The following TAFA5 variants were observed in gnomAD, a reference collection of about 807,000 sequenced individuals.
TAFA5 encodes chemokine-like protein TAFA-5.
TAFA5 carries 6 observed loss-of-function variants against 15.3 expected under a neutral mutation model. That is an observed-to-expected ratio of 0.39 (90% CI 0.21 to 0.77). The LOEUF is 0.77. TAFA5 is among the 30% of genes least tolerant of loss of function. TAFA5 has a pLI of 0.41. For missense variants in TAFA5, 161 were observed against 193.1 expected (o/e 0.83, Z 0.98); for synonymous variants, 103 against 80.7 (o/e 1.28, Z -1.48).
At chr22:48,631,090 T>A (rs1350222610) in intron 1 of TAFA5, among the ~76,000 whole-genome samples, 9 of 152,174 alleles carry the variant, frequency 5.9e-5, no homozygotes, top group Admixed American at 4.6e-4. Flanking sequence ...AGGACGGACC[T>A]CCTGGGCCAG....
At chr22:48,600,523 C>T (rs1268465501) in intron 1 of TAFA5, among the ~76,000 whole-genome samples, 1 of 151,894 alleles carries the variant, frequency 6.6e-6, no homozygotes, top group African/African-American at 2.4e-5. Flanking sequence ...GATGTGTGCC[C>T]GTGCCCATGC....
intron 1 of TAFA5, among the ~76,000 whole-genome samples, chr22:48,494,326 G>A (rs956329121): frequency 6.6e-6 from 1 of 152,190 alleles, no homozygotes; most frequent in East Asian, 1.9e-4. Context: ...ATTAAAATGT[G>A]GCGCTCTGGA....
At chr22:48,505,534 G>A (rs77506095) in intron 1 of TAFA5, among the ~76,000 whole-genome samples, 2 of 152,210 alleles carry the variant, frequency 1.3e-5, no homozygotes, top group Admixed American at 6.5e-5. Context: ...GCCATTAAAA[G>A]GCCTACTGCC....
At chr22:48,587,942 C>G (rs373408182) in intron 1 of TAFA5, among the ~76,000 whole-genome samples, 5 of 152,328 alleles carry the variant, frequency 3.3e-5, no homozygotes, top group African/African-American at 1.2e-4. Context: ...TGTCTCAGTC[C>G]CCGCACTTTC....
At chr22:48,745,185 C>T (rs1352992136) in intron 3 of TAFA5, among the ~76,000 whole-genome samples, 1 of 152,062 alleles carries the variant, frequency 6.6e-6, no homozygotes, top group Non-Finnish European at 1.5e-5. Flanking sequence ...CAGGGCACAG[C>T]TTTGTCATCG....
chr22:48,662,318 G>A (rs1245362961), intron 2 of TAFA5, among the ~76,000 whole-genome samples: 4 of 152,122 alleles, frequency 2.6e-5, no homozygotes, highest in East Asian at 1.9e-4. Context: ...CAAACCTGCC[G>A]GGAGCCTCGG....
intron 2 of TAFA5, among the ~76,000 whole-genome samples, chr22:48,686,765 G>GAGAT (rs1555899244): frequency 6.6e-6 from 1 of 151,312 alleles, no homozygotes; most frequent in African/African-American, 2.4e-5. Flanking sequence ...AGATGGGTAG[G>GAGAT]GGATGGATGG....
chr22:48,582,445 C>T (rs1239572630), intron 1 of TAFA5, among the ~76,000 whole-genome samples: 1 of 150,112 alleles, frequency 6.7e-6, no homozygotes, highest in Non-Finnish European at 1.5e-5. Flanking sequence ...ACAAAATACA[C>T]CACATACCAC....
intron 1 of TAFA5, among the ~76,000 whole-genome samples, chr22:48,587,718 C>T (rs960525610): frequency 2.6e-5 from 4 of 152,244 alleles, no homozygotes; most frequent in African/African-American, 4.8e-5. Flanking sequence ...CCCACTTCCC[C>T]GGCCCTCACA....
intron 1 of TAFA5, among the ~76,000 whole-genome samples, chr22:48,635,138 C>T (rs1394146880): frequency 1.3e-5 from 2 of 152,198 alleles, no homozygotes; most frequent in South Asian, 2.1e-4. Flanking sequence ...CCCGTTGTGG[C>T]CTGTTGCATG....
In TAFA5 at chr22:48,560,982, C is replaced by T. The variant is rs892082398; in HGVS notation, c.112+71278C>T. On this transcript the variant is annotated intron_variant, in intron 1 of 3. Coordinates refer to ENST00000402357, the MANE Select transcript of TAFA5 (RefSeq NM_001082967.3). The surrounding 1 kb of genome is among the most constrained non-coding windows in gnomAD (Gnocchi z 4.2). Reference sequence around the variant, plus strand: ...AGTTCTCATCCTGTGCAGTCCTCTACACCTGGGGATGGAGCGGTTCCCTGT... The same window carrying T: ...AGTTCTCATCCTGTGCAGTCCTCTATACCTGGGGATGGAGCGGTTCCCTGT... Among the ~76,000 whole-genome samples, 3 of 152,170 alleles carry T rather than the reference C, an allele frequency of 2.0e-5. No individual in the cohort carries two copies. The highest frequency in any genetic ancestry group is 4.8e-5 in the African/African-American group (2 of 41,430).
chr22:48,501,549 C>T (rs1046950455), intron 1 of TAFA5, among the ~76,000 whole-genome samples: 2 of 151,474 alleles, frequency 1.3e-5, no homozygotes, highest in African/African-American at 4.9e-5. Context: ...GAGAGGTAGT[C>T]GGGGGTGCCC....
At chr22:48,642,383 C>T (rs934802779) in intron 1 of TAFA5, among the ~76,000 whole-genome samples, 3 of 152,230 alleles carry the variant, frequency 2.0e-5, no homozygotes, top group Non-Finnish European at 4.4e-5. Context: ...GCCCCACAGG[C>T]AGCCCTGGTG....
At chr22:48,616,827 C>T (rs1333031797) in intron 1 of TAFA5, among the ~76,000 whole-genome samples, 2 of 152,206 alleles carry the variant, frequency 1.3e-5, no homozygotes, top group Non-Finnish European at 1.5e-5. Flanking sequence ...CACCCAGCTG[C>T]TTGCAGGTCC....
chr22:48,579,509 G>T (rs1923951958), intron 1 of TAFA5, among the ~76,000 whole-genome samples: 2 of 152,236 alleles, frequency 1.3e-5, no homozygotes, highest in African/African-American at 4.8e-5. Flanking sequence ...GGAAGAGCCG[G>T]CCGCTTCCTT....
intron 1 of TAFA5, among the ~76,000 whole-genome samples, chr22:48,597,304 C>G (rs975792828): frequency 6.6e-6 from 1 of 151,912 alleles, no homozygotes; most frequent in Non-Finnish European, 1.5e-5. Flanking sequence ...TGCTGTTCCC[C>G]TCTCTACCGG....
At chr22:48,604,541 C>G (rs539059739) in intron 1 of TAFA5, among the ~76,000 whole-genome samples, 1 of 152,316 alleles carries the variant, frequency 6.6e-6, no homozygotes, top group African/African-American at 2.4e-5. Context: ...AGTGCTCAAG[C>G]TTGGGAGGAC....
intron 2 of TAFA5, among the ~76,000 whole-genome samples, chr22:48,703,193 G>C (rs988944753): frequency 1.2e-4 from 18 of 152,026 alleles, no homozygotes; most frequent in African/African-American, 4.3e-4. Context: ...CGTGTGGTGT[G>C]TGGTGTATAC....
chr22:48,573,533 C>T (rs1039443840), intron 1 of TAFA5, among the ~76,000 whole-genome samples: 41 of 152,152 alleles, frequency 2.7e-4, no homozygotes, highest in East Asian at 3.9e-4. Flanking sequence ...ACTCACTCTT[C>T]GGAAGCCCTA....
Sources: gnomAD v4.1 joint callset for allele counts (sites outside exome capture counted in the v4.1 genomes callset) on GRCh38, gnomAD v4.1.1 for gene constraint, Gnocchi (gnomAD v3.1) non-coding constraint, MANE v1.5 for transcripts, NCBI Gene and HGNC (gene_info 2026-07-23, HGNC 2026-07-21) for gene names.